ABHD12: variants seen among roughly 807,000 people sequenced by gnomAD.
ABHD12 encodes the protein abhydrolase domain containing 12, lysophospholipase.
In ABHD12, 43 loss-of-function variants were observed where a neutral mutation model predicts 58.3. That is an observed-to-expected ratio of 0.74 (90% confidence interval 0.58 to 0.95). The LOEUF (loss-of-function observed/expected upper bound fraction) is 0.95. ABHD12 is among the 40% of genes least tolerant of loss of function. The pLI is 0.00. For missense variants in ABHD12, 539 were observed against 537.2 expected (o/e 1.00, Z -0.03); for synonymous variants, 219 against 211.2 (o/e 1.04, Z -0.32).
chr20:25,300,790 TG>T lies in ABHD12; in HGVS notation c.*54del. ...GGCTTCAGGATACCGGGCTGCTGACTGGAGGAAAACGGGAGGAGGGCAGAGG... is the reference window on the plus strand; with the variant it reads ...GGCTTCAGGATACCGGGCTGCTGACTGAGGAAAACGGGAGGAGGGCAGAGG... On this transcript the variant is annotated 3_prime_UTR_variant, in exon 13 of 13. Coordinates refer to ENST00000339157, the MANE Select transcript of ABHD12 (RefSeq NM_001042472.3). The T allele has an allele frequency of 6.2e-7, 1 of 1,613,594 alleles. No individual in the cohort carries two copies. Among genetic ancestry groups the T allele is most frequent in the Non-Finnish European group, 8.5e-7 (1 of 1,179,800 alleles).
intron 2 of ABHD12, among the ~76,000 whole-genome samples, chr20:25,331,570 C>T (rs2089277117): frequency 6.6e-6 from 1 of 151,888 alleles, no homozygotes; most frequent in African/African-American, 2.4e-5. Flanking sequence ...GTCAGGTTAC[C>T]CTCAAAGGGA....
chr20:25,310,147 G>T, intron 6 of ABHD12: 1 of 156,754 alleles, frequency 6.4e-6, no homozygotes. Context: ...GAGCAGCAGT[G>T]CAGATGGCGT....
intron 1 of ABHD12, among the ~76,000 whole-genome samples, chr20:25,349,132 C>G (rs1259402974): frequency 1.3e-5 from 2 of 151,088 alleles, no homozygotes; most frequent in African/African-American, 4.9e-5. Context: ...ATCATACAAT[C>G]TGGCAAAACG....
At chr20:25,365,342 T>A (rs1409320249) in intron 1 of ABHD12, among the ~76,000 whole-genome samples, 1 of 152,196 alleles carries the variant, frequency 6.6e-6, no homozygotes, top group Non-Finnish European at 1.5e-5. Flanking sequence ...CATTCCTTTT[T>A]CTCATAAAAA....
intron 4 of ABHD12, among the ~76,000 whole-genome samples, chr20:25,318,515 G>A (rs939377878): frequency 1.3e-5 from 2 of 152,146 alleles, no homozygotes; most frequent in African/African-American, 2.4e-5. Context: ...GCAGACCAGC[G>A]AAACCCCAGT....
chr20:25,373,643 T>G (rs1361941977), intron 1 of ABHD12, among the ~76,000 whole-genome samples: 1 of 152,198 alleles, frequency 6.6e-6, no homozygotes, highest in Non-Finnish European at 1.5e-5. Context: ...TGTTCCTGTG[T>G]GCACAGTATG....
At chr20:25,318,303 A>G (rs1398619571) in intron 4 of ABHD12, among the ~76,000 whole-genome samples, 1 of 103,728 alleles carries the variant, frequency 9.6e-6, no homozygotes, top group African/African-American at 3.6e-5. Flanking sequence ...CAACAGAGTG[A>G]GACTCTGTCT....
chr20:25,388,819 G>C (rs1298362550), intron 1 of ABHD12, among the ~76,000 whole-genome samples: 1 of 100,888 alleles, frequency 9.9e-6, no homozygotes, highest in Admixed American at 1.5e-4. Flanking sequence ...ACGGAGTTCC[G>C]TTCTTGTTGT....
intron 11 of ABHD12, 154 bp downstream of exon 11, chr20:25,303,396 T>G (rs1472108372): frequency 1.3e-6 from 2 of 1,521,704 alleles, no homozygotes; most frequent in South Asian, 1.2e-5. Context: ...GCAGGGAGGA[T>G]GAGGTGGCCT....
chr20:25,389,757 C>G (rs2090143834), intron 1 of ABHD12, among the ~76,000 whole-genome samples: 1 of 152,204 alleles, frequency 6.6e-6, no homozygotes, highest in Non-Finnish European at 1.5e-5. Context: ...CGAACTTGTG[C>G]GGACAGATTT....
intron 1 of ABHD12, among the ~76,000 whole-genome samples, chr20:25,389,470 G>A (rs1271454827): frequency 6.6e-6 from 1 of 152,132 alleles, no homozygotes; most frequent in Non-Finnish European, 1.5e-5. Flanking sequence ...AAAAAGAAGT[G>A]CCTCTGCTAC....
chr20:25,316,998 C>T (rs748834891), intron 5 of ABHD12, 50 bp downstream of exon 5: 4 of 1,579,904 alleles, frequency 2.5e-6, no homozygotes, highest in African/African-American at 1.3e-5. Context: ...TCACTTCCTG[C>T]CCTGGAAAGA....
chr20:25,367,419 A>G (rs917830855), intron 1 of ABHD12, among the ~76,000 whole-genome samples: 1 of 152,316 alleles, frequency 6.6e-6, no homozygotes, highest in East Asian at 1.9e-4. Context: ...TTTTACACGT[A>G]ACAAAATTTA....
chr20:25,377,567 T>C (rs1383296933), intron 1 of ABHD12, among the ~76,000 whole-genome samples: 1 of 152,188 alleles, frequency 6.6e-6, no homozygotes, highest in Non-Finnish European at 1.5e-5. Context: ...CACTGCCTTT[T>C]ACAACAGTGA....
chr20:25,368,895 G>C, intron 1 of ABHD12: 1 of 409,090 alleles, frequency 2.4e-6, no homozygotes, highest in South Asian at 2.1e-5. Context: ...GGGAGGCTGC[G>C]GCAGGATTGC....
chr20:25,308,787 G>A (rs1210325900), intron 7 of ABHD12, among the ~76,000 whole-genome samples: 1 of 152,218 alleles, frequency 6.6e-6, no homozygotes, highest in African/African-American at 2.4e-5. Flanking sequence ...CCTGTCGGCT[G>A]GGGGTGGCCA....
Position 25,314,970 on chromosome 20 carries a change from C to T in ABHD12, c.574G>A (p.Val192Met). The change falls in exon 6 of 13, where the codon GTG becomes ATG. Residue 192 changes from valine to methionine, a missense_variant and splice_region_variant. By Grantham distance (21) the Val-to-Met change is conservative. Coordinates refer to ENST00000339157, the MANE Select transcript of ABHD12 (RefSeq NM_001042472.3). ...ACATGGTAACCAAGGGAACTCAGCACCTGTAAAGTGAAAAATAAACATCTT... is the reference window on the plus strand; with the variant it reads ...ACATGGTAACCAAGGGAACTCAGCATCTGTAAAGTGAAAAATAAACATCTT... ...GGDHRVELYK[V>M]LSSLGYHVVT... 6.2e-7 allele frequency: 1 copy of T among 1,614,212 alleles called. No individual in the cohort carries two copies. Among genetic ancestry groups the T allele is most frequent in the Non-Finnish European group, 8.5e-7 (1 of 1,180,034 alleles).
At chr20:25,368,684 T>C (rs1568766468) in intron 1 of ABHD12, 1 of 1,370,388 alleles carries the variant, frequency 7.3e-7, no homozygotes, top group Non-Finnish European at 1.0e-6. Flanking sequence ...GTCTTTGGAA[T>C]CTTGTCTGCA....
chr20:25,389,233 A>C (rs2090137018), intron 1 of ABHD12, among the ~76,000 whole-genome samples: 1 of 152,250 alleles, frequency 6.6e-6, no homozygotes, highest in South Asian at 2.1e-4. Context: ...CAAAGAGAAC[A>C]GATTAGTTTC....
Sources: allele counts gnomAD v4.1 joint callset (sites outside exome capture counted in the v4.1 genomes callset), GRCh38; gene constraint gnomAD v4.1.1; transcripts MANE v1.5; gene names NCBI Gene and HGNC (gene_info 2026-07-23, HGNC 2026-07-21).